SEL1L2: variants seen among roughly 807,000 people sequenced by gnomAD.
SEL1L2 encodes SEL1L2 adaptor subunit of SYVN1 ubiquitin ligase.
Under a neutral mutation model 98.8 loss-of-function variants are expected in SEL1L2, and 89 were observed. That is an observed-to-expected ratio of 0.90 (90% CI 0.76 to 1.07). The LOEUF (loss-of-function observed/expected upper bound fraction) is 1.07. SEL1L2 is among the 50% of genes least tolerant of loss of function. The pLI, the probability that SEL1L2 is intolerant of heterozygous loss-of-function variation, is 0.00. For missense variants in SEL1L2, 788 were observed against 812.0 expected, an observed-to-expected ratio of 0.97 and a Z score of 0.36; for synonymous variants, 262 against 278.5, an observed-to-expected ratio of 0.94 and a Z score of 0.59.
chr20:13,941,620 G>T (rs2049779102), intron 2 of SEL1L2, among the ~76,000 whole-genome samples: 1 of 152,184 alleles, frequency 6.6e-6, no homozygotes, highest in South Asian at 2.1e-4. Flanking sequence ...ACAGATAGGA[G>T]ATTACATTTA....
chr20:13,854,377 G>T (rs6042390), intron 18 of SEL1L2, among the ~76,000 whole-genome samples: 14,243 of 152,210 alleles, frequency 0.094, 798 homozygotes, highest in African/African-American at 0.15. Flanking sequence ...TAAAAAGGTT[G>T]TCATATGTTT....
At chr20:13,870,440 T>C (rs1404443807) in intron 12 of SEL1L2, among the ~76,000 whole-genome samples, 1 of 152,212 alleles carries the variant, frequency 6.6e-6, no homozygotes, top group Non-Finnish European at 1.5e-5. Context: ...TCAACACTTA[T>C]TTAGGACTTG....
chr20:13,905,037 G>A (rs1345280651), intron 5 of SEL1L2, among the ~76,000 whole-genome samples: 4 of 152,146 alleles, frequency 2.6e-5, no homozygotes, highest in Non-Finnish European at 5.9e-5. Context: ...TGACTGGGGA[G>A]GGGCGTATTC....
At chr20:13,949,443 T>G (rs1361763832) in intron 2 of SEL1L2, among the ~76,000 whole-genome samples, 2 of 152,142 alleles carry the variant, frequency 1.3e-5, no homozygotes, top group Non-Finnish European at 2.9e-5. Context: ...GGCAGGCGGA[T>G]CACGAGGTCA....
At chr20:13,978,967 C>A (rs1377168680) in intron 1 of SEL1L2, among the ~76,000 whole-genome samples, 2 of 151,924 alleles carry the variant, frequency 1.3e-5, no homozygotes, top group African/African-American at 2.4e-5. Flanking sequence ...GGCTGAGGCA[C>A]AAGAATCGCT....
At chr20:13,864,601 G>A (rs189207190) in intron 17 of SEL1L2, among the ~76,000 whole-genome samples, 1 of 152,114 alleles carries the variant, frequency 6.6e-6, no homozygotes, top group African/African-American at 2.4e-5. Flanking sequence ...GCCAGCAAGC[G>A]AGACATGGAA....
chr20:13,855,429 T>C (rs767674068), intron 18 of SEL1L2, among the ~76,000 whole-genome samples: 16 of 151,774 alleles, frequency 1.1e-4, no homozygotes, highest in Non-Finnish European at 1.8e-4. Flanking sequence ...GAGGGTAGGA[T>C]AGAGGGGTGG....
intron 12 of SEL1L2, among the ~76,000 whole-genome samples, chr20:13,873,855 T>G (rs2078700009): frequency 6.6e-6 from 1 of 152,256 alleles, no homozygotes; most frequent in African/African-American, 2.4e-5. Context: ...AATAACCCCC[T>G]GGCAGGACCT....
chr20:13,857,953 A>G (rs1568828438), intron 18 of SEL1L2, among the ~76,000 whole-genome samples: 2 of 152,218 alleles, frequency 1.3e-5, no homozygotes, highest in Non-Finnish European at 2.9e-5. Flanking sequence ...TAACATCCCA[A>G]GAATTATCCA....
intron 1 of SEL1L2, among the ~76,000 whole-genome samples, chr20:13,973,789 A>G (rs1476396479): frequency 2.0e-5 from 3 of 152,186 alleles, no homozygotes; most frequent in Admixed American, 2.0e-4. Context: ...TGTTTAACCT[A>G]GGTGCCTAGA....
intron 1 of SEL1L2, among the ~76,000 whole-genome samples, chr20:13,969,389 G>A (rs2051185985): frequency 1.3e-5 from 2 of 152,112 alleles, no homozygotes; most frequent in Admixed American, 1.3e-4. Context: ...CCCATGAACA[G>A]GTAAAACATT....
At chr20:13,902,931 A>C (rs1568934792) in intron 5 of SEL1L2, among the ~76,000 whole-genome samples, 1 of 151,888 alleles carries the variant, frequency 6.6e-6, no homozygotes, top group East Asian at 1.9e-4. Context: ...TCCTGTCCAA[A>C]ATGGTGAAAC....
chr20:13,907,817 G>A (rs1172881875), intron 5 of SEL1L2, among the ~76,000 whole-genome samples: 1 of 149,274 alleles, frequency 6.7e-6, no homozygotes, highest in Non-Finnish European at 1.5e-5. Flanking sequence ...GCCCAGGCTG[G>A]AGTGTAGTGA....
intron 2 of SEL1L2, among the ~76,000 whole-genome samples, chr20:13,933,930 T>A (rs1322883185): frequency 6.6e-6 from 1 of 151,296 alleles, no homozygotes; most frequent in Non-Finnish European, 1.5e-5. Flanking sequence ...TATTAGATGT[T>A]TAGTAAGTAC....
intron 4 of SEL1L2, among the ~76,000 whole-genome samples, chr20:13,917,124 ATAGTTAGGGG>A (rs2048438938): frequency 2.0e-5 from 3 of 152,064 alleles, no homozygotes; most frequent in African/African-American, 7.2e-5. Context: ...CTCCCATGCT[ATAGTTAGGGG>A]TCATCTGAAA....
chr20:13,951,882 G>A (rs2050296083), intron 2 of SEL1L2, among the ~76,000 whole-genome samples: 1 of 151,800 alleles, frequency 6.6e-6, no homozygotes, highest in South Asian at 2.1e-4. Flanking sequence ...ATCTCCAGCT[G>A]CAGCTCAGAA....
chr20:13,897,564 A>C (rs1946072923), intron 5 of SEL1L2, among the ~76,000 whole-genome samples: 1 of 152,210 alleles, frequency 6.6e-6, no homozygotes, highest in Admixed American at 6.5e-5. Context: ...AAAAACCCCC[A>C]AGTACCCCAA....
At chr20:13,977,863 A>C (rs1339349371) in intron 1 of SEL1L2, among the ~76,000 whole-genome samples, 1 of 152,202 alleles carries the variant, frequency 6.6e-6, no homozygotes. Flanking sequence ...AAGGAGGCAT[A>C]AATAAATAAA....
chr20:13,879,513 T>G (rs2046596218), intron 10 of SEL1L2, among the ~76,000 whole-genome samples: 1 of 151,986 alleles, frequency 6.6e-6, no homozygotes, highest in South Asian at 2.1e-4. Flanking sequence ...CCACCACAAC[T>G]GGCTCATTTT....
Sources: gnomAD v4.1 joint callset for allele counts (sites outside exome capture counted in the v4.1 genomes callset) on GRCh38, gnomAD v4.1.1 for gene constraint, MANE v1.5 for transcripts, NCBI Gene and HGNC (gene_info 2026-07-23, HGNC 2026-07-21) for gene names.